Variants in ERBB4 observed in about 807,000 individuals in gnomAD.
ERBB4 encodes the protein erb-b2 receptor tyrosine kinase 4, also known as receptor tyrosine-protein kinase erbB-4.
Under a neutral mutation model 158.0 loss-of-function variants are expected in ERBB4, and 42 were observed. The observed-to-expected ratio is 0.27, with a 90% CI of 0.21 to 0.34. ERBB4 has a LOEUF of 0.34. Among genes scored for constraint, ERBB4 ranks in the 10% least tolerant of loss-of-function variants. The pLI, the probability that ERBB4 is intolerant of heterozygous loss-of-function variation, is 1.00. For synonymous variants in ERBB4, 583 were observed against 558.7 expected, an observed-to-expected ratio of 1.04 and a Z score of -0.61; for missense variants, 1,333 against 1,624.1, an observed-to-expected ratio of 0.82 and a Z score of 3.08.
At chr2:212,137,498 G>A (rs1361720690) in intron 1 of ERBB4, among the ~76,000 whole-genome samples, 1 of 152,074 alleles carries the variant, frequency 6.6e-6, no homozygotes. Context: ...CTCTGCCAAG[G>A]ACATAATCTT....
At chr2:212,370,513 G>T (rs1355451107) in intron 1 of ERBB4, among the ~76,000 whole-genome samples, 1 of 152,116 alleles carries the variant, frequency 6.6e-6, no homozygotes, top group Non-Finnish European at 1.5e-5. Flanking sequence ...TATTTTTATA[G>T]AAGTTATGAA....
Position 212,074,400 on chromosome 2 carries a change from A to G in ERBB4, c.234+50352T>C, listed in dbSNP as rs572979287. The stretch of plus-strand genomic sequence containing the variant: ...TGCGGATTATAACTCATGAAAGAAT[A>G]AATCATAGCACATCATTAAGGGTAA... On this transcript the variant is annotated intron_variant, in intron 2 of 27. Transcript: ENST00000342788. 2.6e-5 allele frequency among the ~76,000 whole-genome samples: 4 copies of G among 152,138 alleles called. No homozygotes were observed. The South Asian group carries it at 8.3e-4, about 32-fold the overall frequency.
chr2:211,609,907 G>T (rs970836099), intron 19 of ERBB4, among the ~76,000 whole-genome samples: 1 of 152,150 alleles, frequency 6.6e-6, no homozygotes, highest in African/African-American at 2.4e-5. Flanking sequence ...TTTGGAAATT[G>T]TAGACATAAA....
intron 3 of ERBB4, among the ~76,000 whole-genome samples, chr2:211,845,397 C>T (rs2106013978): frequency 6.6e-6 from 1 of 152,250 alleles, no homozygotes; most frequent in South Asian, 2.1e-4. Context: ...ACGATATTAA[C>T]ACCTATAGAG....
At chr2:212,344,636 A>G (rs1380743339) in intron 1 of ERBB4, among the ~76,000 whole-genome samples, 1 of 152,160 alleles carries the variant, frequency 6.6e-6, no homozygotes, top group Non-Finnish European at 1.5e-5. Flanking sequence ...TTTTCTATCA[A>G]TGCATCAGGT....
intron 1 of ERBB4, among the ~76,000 whole-genome samples, chr2:212,177,879 G>GAT (rs2081723251): frequency 6.6e-6 from 1 of 151,840 alleles, no homozygotes; most frequent in Non-Finnish European, 1.5e-5. Context: ...GGTCATGGAG[G>GAT]ATAAAGCACT....
chr2:211,713,596 C>G lies in ERBB4; in HGVS notation c.936G>C (p.Lys312Asn), dbSNP rs777495826. Residue 312 changes from lysine to asparagine, a missense_variant, in exon 8 of 28, where the codon AAG becomes AAC. This residue lies in a region of ERBB4 where 438 missense variants were observed against 586.9 expected (regional missense o/e 0.75). Coordinates refer to ENST00000342788, the MANE Select transcript of ERBB4 (RefSeq NM_005235.3). The part of the protein sequence containing the change: ...SSCVRACPSS[K>N]MEVEENGIKM... ...TAATCCCATTTTCTTCTACTTCCAT[C>G]TTGGAACTAGGGCAGGCACGCACAC... 1.2e-6 allele frequency: 2 copies of G among 1,612,466 alleles called. No homozygotes were observed. The highest frequency in any genetic ancestry group is 1.7e-6 in the Non-Finnish European group (2 of 1,179,314).
At chr2:211,747,696 AAC>A (rs2075014186) in intron 5 of ERBB4, among the ~76,000 whole-genome samples, 1 of 152,126 alleles carries the variant, frequency 6.6e-6, no homozygotes, top group African/African-American at 2.4e-5. Context: ...AGTTAGGGAA[AAC>A]CCTAATAATC....
chr2:211,581,714 C>A (rs983189991), intron 19 of ERBB4, among the ~76,000 whole-genome samples: 2 of 151,998 alleles, frequency 1.3e-5, no homozygotes, highest in Admixed American at 6.6e-5. Flanking sequence ...TTTTTTCCCA[C>A]CAAATTTCAT....
intron 1 of ERBB4, among the ~76,000 whole-genome samples, chr2:212,511,665 A>C (rs563413962): frequency 6.6e-6 from 1 of 152,292 alleles, no homozygotes; most frequent in South Asian, 2.1e-4. Flanking sequence ...GAGTCAACTT[A>C]AAGGAAGAGG....
intron 2 of ERBB4, among the ~76,000 whole-genome samples, chr2:212,067,083 T>A (rs944168240): frequency 6.6e-6 from 1 of 152,070 alleles, no homozygotes; most frequent in Admixed American, 6.6e-5. Context: ...ATTAAAGCTA[T>A]CTATAGTTTA....
intron 1 of ERBB4, among the ~76,000 whole-genome samples, chr2:212,168,952 A>G (rs1196041354): frequency 1.3e-5 from 2 of 152,202 alleles, no homozygotes; most frequent in Admixed American, 6.5e-5. Context: ...CTACCATCAT[A>G]TGTGACAAAA....
intron 1 of ERBB4, among the ~76,000 whole-genome samples, chr2:212,201,766 C>T (rs2082592995): frequency 6.6e-6 from 1 of 152,172 alleles, no homozygotes; most frequent in Non-Finnish European, 1.5e-5. Flanking sequence ...ACAGTTATGA[C>T]TTGCTGTCTA....
rs76058289 is a variant in ERBB4, at chr2:211,885,243, T to C, written c.421+62187A>G. 3.1e-3 allele frequency among the ~76,000 whole-genome samples: 469 copies of C among 152,282 alleles called. 2 individuals are homozygous for C. The highest frequency in any genetic ancestry group is 0.01 in the Middle Eastern group (3 of 294). On this transcript the variant is annotated intron_variant, in intron 3 of 27. Transcript: ENST00000342788. ...ACAAGTGTATAAAAAATGAAACTCA[T>C]GTTTTATAATAGAGAGAGGCCAAAA... is the stretch of plus-strand genomic sequence containing the variant.
chr2:212,243,374 T>C (rs2084187268), intron 1 of ERBB4, among the ~76,000 whole-genome samples: 2 of 152,138 alleles, frequency 1.3e-5, no homozygotes, highest in African/African-American at 4.8e-5. Context: ...TTCTGTGAGA[T>C]AAGAAGAAAT....
chr2:211,924,148 A>G (rs1193994035), intron 3 of ERBB4, among the ~76,000 whole-genome samples: 2 of 152,208 alleles, frequency 1.3e-5, no homozygotes, highest in South Asian at 2.1e-4. Context: ...TGTCCCTATT[A>G]GTCCTCTAAA....
At chr2:211,619,334 G>A (rs1161317604) in intron 18 of ERBB4, 59 bp from the exon 19 acceptor site, 2 of 968,850 alleles carry the variant, frequency 2.1e-6, no homozygotes, top group Non-Finnish European at 3.3e-6. Flanking sequence ...TTCTTACAAA[G>A]TAACTTAGAA....
rs545455051 is a variant in ERBB4 at position 212,062,079 on chromosome 2, A to G, written c.234+62673T>C. On this transcript the variant is annotated intron_variant, in intron 2 of 27. Coordinates refer to ENST00000342788, the MANE Select transcript of ERBB4 (RefSeq NM_005235.3). ...TGTTAAAAAAATCTATATCTGTCAA[A>G]GTTATGAAATAGTATTATTTGTATT... Among the ~76,000 whole-genome samples the G allele has an allele frequency of 2.1e-4, 32 of 152,290 alleles. 1 individual carries two copies. In the South Asian group the frequency reaches 6.4e-3, roughly 31 times the overall value.
intron 1 of ERBB4, among the ~76,000 whole-genome samples, chr2:212,514,495 G>A (rs117411642): frequency 1.3e-5 from 2 of 152,200 alleles, no homozygotes; most frequent in East Asian, 3.9e-4. Context: ...ATCAACTCTA[G>A]TAATGTGTGT....
Sources: gnomAD v4.1 joint callset for allele counts (sites outside exome capture counted in the v4.1 genomes callset) on GRCh38, gnomAD v4.1.1 for gene constraint, gnomAD v4.1.1 regional missense constraint, MANE v1.5 for transcripts, NCBI Gene and HGNC (gene_info 2026-07-23, HGNC 2026-07-21) for gene names.